Variants in PTPA observed in about 807,000 individuals in gnomAD.
The protein encoded by PTPA is serine/threonine-protein phosphatase 2A activator.
Under a neutral mutation model 43.6 loss-of-function variants are expected in PTPA, and 13 were observed. That is an observed-to-expected ratio of 0.30 (90% CI 0.19 to 0.47). The LOEUF (loss-of-function observed/expected upper bound fraction) is 0.47. PTPA is among the 20% of genes least tolerant of loss of function. The pLI is 0.99. For missense variants in PTPA, 329 were observed against 411.9 expected (o/e 0.80, Z 1.74); for synonymous variants, 172 against 158.2 (o/e 1.09, Z -0.66).
At chr9:129,131,862 G>A (rs890508614) in intron 5 of PTPA, among the ~76,000 whole-genome samples, 2 of 152,166 alleles carry the variant, frequency 1.3e-5, no homozygotes, top group African/African-American at 2.4e-5. Flanking sequence ...TCCACCAGGG[G>A]GAGCTGATGC....
In PTPA at chr9:129,136,456, T is replaced by C. The variant is rs754034608; in HGVS notation, c.561-15T>C. The C allele has an allele frequency of 5.0e-6, 8 of 1,604,180 alleles. No individual in the cohort carries two copies. The Admixed American group carries it at 1.0e-4, about 21-fold the overall frequency. On this transcript the variant is annotated splice_polypyrimidine_tract_variant and intron_variant, in intron 6 of 9. Coordinates refer to ENST00000393370, the MANE Select transcript of PTPA (RefSeq NM_178000.3). Reference sequence around the variant, plus strand: ...TACTTTTTGCTACCTTCCCTTTCCCTGTCCTCCTGTGCAGGTACCTTGAGG... The same window carrying C: ...TACTTTTTGCTACCTTCCCTTTCCCCGTCCTCCTGTGCAGGTACCTTGAGG...
At chr9:129,147,076 G>A (rs1851352893) in intron 9 of PTPA, among the ~76,000 whole-genome samples, 1 of 152,174 alleles carries the variant, frequency 6.6e-6, no homozygotes, top group Non-Finnish European at 1.5e-5. Flanking sequence ...TGATCAGGAG[G>A]GTTCTTTCCA....
intron 2 of PTPA, among the ~76,000 whole-genome samples, chr9:129,122,242 A>G (rs1464603294): frequency 6.6e-6 from 1 of 152,102 alleles, no homozygotes; most frequent in Non-Finnish European, 1.5e-5. Flanking sequence ...AGCTGGGACC[A>G]CAGGCACGTA....
In PTPA at chr9:129,147,538, C is replaced by T. The variant is rs1166416762; in HGVS notation, c.*74C>T. ...TTCCCCACCCCAGCAGTGGCCCCTC[C>T]CCATCCCCTCCCTCTGTTCGTCCCG... On this transcript the variant is annotated 3_prime_UTR_variant, in exon 10 of 10. Coordinates refer to ENST00000393370, the MANE Select transcript of PTPA (RefSeq NM_178000.3). The T allele has an allele frequency of 2.1e-6, 3 of 1,432,880 alleles. No homozygotes were observed. The highest frequency in any genetic ancestry group is 1.7e-5 in the Admixed American group (1 of 57,302). The allele number at this position is 1,432,880 out of a possible 1,614,324, so 88.8% of individuals were successfully genotyped here.
chr9:129,134,945 T>C, intron 6 of PTPA, 51 bp downstream of exon 6: 1 of 1,471,932 alleles, frequency 6.8e-7, no homozygotes, highest in South Asian at 1.2e-5. Context: ...GGGCCATCTG[T>C]TTCCTCCTCA....
intron 1 of PTPA, among the ~76,000 whole-genome samples, chr9:129,116,806 C>G (rs538740925): frequency 2.4e-4 from 37 of 152,264 alleles, no homozygotes; most frequent in African/African-American, 8.4e-4. Context: ...GCTGGGATTA[C>G]GGACATGAGC....
chr9:129,135,957 TTTTA>T (rs561260439), intron 6 of PTPA, among the ~76,000 whole-genome samples: 11 of 152,000 alleles, frequency 7.2e-5, no homozygotes, highest in Non-Finnish European at 1.3e-4. Context: ...ATCAGTGATT[TTTTA>T]TTTATTTATT....
At chr9:129,123,704 A>G (rs918559390) in intron 3 of PTPA, among the ~76,000 whole-genome samples, 1 of 150,248 alleles carries the variant, frequency 6.7e-6, no homozygotes, top group Non-Finnish European at 1.5e-5. Context: ...TTATTTTGAG[A>G]CGTAGTTTTG....
intron 1 of PTPA, among the ~76,000 whole-genome samples, chr9:129,112,939 C>T (rs1380340804): frequency 2.0e-4 from 2 of 10,042 alleles, no homozygotes; most frequent in Non-Finnish European, 5.0e-4. Flanking sequence ...GAAACTCCGT[C>T]ACCCCCCAAA....
intron 6 of PTPA, among the ~76,000 whole-genome samples, chr9:129,135,587 C>T (rs1401718558): frequency 2.6e-5 from 4 of 152,220 alleles, no homozygotes. Context: ...TGGGTTCACG[C>T]CAGCTGAACC....
intron 1 of PTPA, 53 bp downstream of exon 1, chr9:129,111,684 C>T: frequency 7.9e-7 from 1 of 1,261,506 alleles, no homozygotes; most frequent in Non-Finnish European, 1.0e-6. Context: ...GGGGGCGGTG[C>T]CAGGTGTGGG....
rs376283767 is a variant in PTPA at position 129,142,423 on chromosome 9, G to A, written c.787-22G>A. 1.2e-5 allele frequency: 18 copies of A among 1,550,754 alleles called. No homozygotes were observed. In the African/African-American group the frequency reaches 2.5e-4, roughly 21 times the overall value. On this transcript the variant is annotated intron_variant, in intron 8 of 9. Transcript: ENST00000393370. ...CTCCCAGCCAGAACCTGTCTCTTCA[G>A]CTTGTGGCTTCTCTTTTTCAGATGA...
chr9:129,130,582 G>A (rs879158001), intron 4 of PTPA, among the ~76,000 whole-genome samples: 8 of 151,912 alleles, frequency 5.3e-5, no homozygotes, highest in Admixed American at 6.6e-5. Flanking sequence ...TAGTAGAGAC[G>A]GGGTTTCATC....
chr9:129,141,000 G>A (rs566391109), intron 8 of PTPA, among the ~76,000 whole-genome samples: 1 of 152,238 alleles, frequency 6.6e-6, no homozygotes, highest in Admixed American at 6.5e-5. Context: ...TCTGTTGGGT[G>A]CCTCGGGCTC....
chr9:129,142,905 G>T (rs913487589), intron 9 of PTPA: 4 of 1,483,646 alleles, frequency 2.7e-6, no homozygotes, highest in Middle Eastern at 1.9e-4. Context: ...GTCTGAGTCT[G>T]GCTCTCCCAT....
At chr9:129,111,808 C>T (rs902431695) in intron 1 of PTPA, 177 bp downstream of exon 1, 7 of 1,224,540 alleles carry the variant, frequency 5.7e-6, no homozygotes, top group South Asian at 8.3e-5. Context: ...GGTGGGGCGC[C>T]GCTGGGGAGG....
At chr9:129,140,255 C>T (rs1002436946) in intron 8 of PTPA, 4 of 152,682 alleles carry the variant, frequency 2.6e-5, no homozygotes, top group South Asian at 2.1e-4. Context: ...TCTCTTCTCC[C>T]TTTGTGGCTA....
rs72760523 is a variant in PTPA, at chr9:129,133,817, G to A, written c.461-978G>A. 1.2e-3 allele frequency among the ~76,000 whole-genome samples: 182 copies of A among 152,280 alleles called. 1 individual carries two copies. The highest frequency in any genetic ancestry group is 2.4e-3 in the Non-Finnish European group (164 of 68,018). On this transcript the variant is annotated intron_variant, in intron 5 of 9. Transcript: ENST00000393370. ...GTTCTCCCTTGCTCTCACTGCCTTC[G>A]ACATACTGGCCTCCTTAGTGTTCCT... is the stretch of plus-strand genomic sequence containing the variant.
At chr9:129,111,345 T>G (rs574493289), upstream of PTPA, 2 of 1,158,790 alleles carry the variant, frequency 1.7e-6, no homozygotes, top group African/African-American at 1.6e-5. Context: ...CGCACTGACA[T>G]GGCCGTCGCC....
Sources: gnomAD v4.1 joint callset for allele counts (sites outside exome capture counted in the v4.1 genomes callset) on GRCh38, gnomAD v4.1.1 for gene constraint, MANE v1.5 for transcripts, NCBI Gene and HGNC (gene_info 2026-07-23, HGNC 2026-07-21) for gene names.